The following SCLY variants were observed in gnomAD, a reference collection of about 807,000 sequenced individuals.
SCLY encodes the protein putative selenocysteine lyase.
A neutral mutation model predicts 50.1 loss-of-function variants in SCLY; 38 were observed. The observed-to-expected ratio is 0.76, with a 90% confidence interval of 0.59 to 0.99. The LOEUF (loss-of-function observed/expected upper bound fraction) is 0.99. Among genes scored for constraint, SCLY ranks in the 50% least tolerant of loss-of-function variants. SCLY has a pLI of 0.00. For missense variants in SCLY, 600 were observed against 620.0 expected, an observed-to-expected ratio of 0.97 and a Z score of 0.34; for synonymous variants, 243 against 249.4, an observed-to-expected ratio of 0.97 and a Z score of 0.24.
chr2:238,082,540 G>A (rs570396532), intron 6 of SCLY, among the ~76,000 whole-genome samples: 8 of 152,304 alleles, frequency 5.3e-5, no homozygotes, highest in African/African-American at 1.7e-4. Context: ...TCTCTGCAGC[G>A]GACAGGGCAT....
chr2:238,087,640 C>G (rs554450913), intron 7 of SCLY, among the ~76,000 whole-genome samples: 2 of 152,280 alleles, frequency 1.3e-5, no homozygotes, highest in Non-Finnish European at 2.9e-5. Context: ...GGAAGGACAA[C>G]TTCCCAGTTC....
chr2:238,096,457 G>C (rs1302011617), intron 10 of SCLY, among the ~76,000 whole-genome samples: 2 of 152,240 alleles, frequency 1.3e-5, no homozygotes, highest in African/African-American at 4.8e-5. Flanking sequence ...CTACCATCCA[G>C]AACACAGGTG....
chr2:238,092,391 T>C (rs1299931463), intron 8 of SCLY: 1 of 152,022 alleles, frequency 6.6e-6, no homozygotes, highest in African/African-American at 2.4e-5. Flanking sequence ...GCCGGAAGAG[T>C]GTGTTTTAAG....
At chr2:238,084,893 C>CAAAA (rs377025100) in intron 7 of SCLY, among the ~76,000 whole-genome samples, 1,278 of 107,452 alleles carry the variant, frequency 0.012, 49 homozygotes, top group African/African-American at 0.042. Context: ...GACTCCATCT[C>CAAAA]AAAAAAAAAA....
intron 8 of SCLY, chr2:238,091,561 G>T: frequency 2.4e-3 from 709 of 300,512 alleles, no homozygotes; most frequent in South Asian, 5.6e-3. Context: ...ATTCCCAAAG[G>T]CGTCGGCAGC....
At chr2:238,079,691 T>A (rs2065215499) in intron 4 of SCLY, 1 of 152,250 alleles carries the variant, frequency 6.6e-6, no homozygotes, top group Admixed American at 6.5e-5. Flanking sequence ...GGAATCTCTT[T>A]TGCTGATTGC....
intron 7 of SCLY, 35 bp from the exon 8 acceptor site, chr2:238,091,183 T>C (rs750869493): frequency 1.3e-6 from 2 of 1,580,726 alleles, no homozygotes; most frequent in South Asian, 1.1e-5. Flanking sequence ...CCTGAGACAT[T>C]TGTTTATTCT....
rs1056740214 is a variant in SCLY at position 238,081,918 on chromosome 2, G to T, written c.612+82G>T. The T allele has an allele frequency of 1.9e-6, 3 of 1,581,420 alleles. No individual in the cohort carries two copies. In the African/African-American group the frequency reaches 4.0e-5, roughly 21 times the overall value. On this transcript the variant is annotated intron_variant, in intron 5 of 11. Transcript: ENST00000254663. ...GACTCATGGCGTTTCAGGTTTCCCA[G>T]CTCTGGCCTCTCCCGTTTCTCTGTT...
chr2:238,069,422 G>A lies in SCLY; in HGVS notation c.429G>A (p.Val143=), dbSNP rs764835712. ...AGCCCCATTTCATTACTTCCTCGGTGGAACACGACTCCATCCGGCTGCCCC... is the reference window on the plus strand; with the variant it reads ...AGCCCCATTTCATTACTTCCTCGGTAGAACACGACTCCATCCGGCTGCCCC... The part of the protein sequence containing the change: ...GAKPHFITSS[V]EHDSIRLPLE... Residue 143 remains valine (V), a synonymous_variant, in exon 4 of 12, where the codon GTG becomes GTA. Coordinates refer to ENST00000254663, the MANE Select transcript of SCLY (RefSeq NM_016510.7). The surrounding 1 kb of genome is among the most constrained non-coding windows in gnomAD (Gnocchi z 5.0). 1 of 1,613,940 alleles carries A rather than the reference G, an allele frequency of 6.2e-7. No homozygotes were observed. Among genetic ancestry groups the A allele is most frequent in the South Asian group, 1.1e-5 (1 of 91,002 alleles).
At position 238,061,105 on chromosome 2, in the gene SCLY, T is replaced by C; in HGVS notation, c.51T>C (p.Ser17=). The change falls in exon 1 of 12, where the codon AGT becomes AGC. Residue 17 remains serine (S), a synonymous_variant. Transcript: ENST00000254663. The part of the protein sequence containing the change: ...PGRDAPAPAA[S]QPSGCGKHNS... ...GGGATGCGCCGGCACCCGCGGCGAG[T>C]CAGCCCAGCGGCTGCGGGAAACACA... 2 of 1,415,094 alleles carry C rather than the reference T, an allele frequency of 1.4e-6. No individual in the cohort carries two copies. Among genetic ancestry groups the C allele is most frequent in the Non-Finnish European group, 1.8e-6 (2 of 1,092,970 alleles). 87.7% of individuals were successfully genotyped at this position (1,415,094 alleles called of 1,614,324 possible).
intron 7 of SCLY, among the ~76,000 whole-genome samples, chr2:238,085,267 A>G (rs967625532): frequency 6.6e-6 from 1 of 152,232 alleles, no homozygotes; most frequent in African/African-American, 2.4e-5. Context: ...AACATAAAAG[A>G]AGAACCAAAT....
At chr2:238,068,010 C>A in intron 2 of SCLY, 55 bp from the exon 3 acceptor site, 2 of 1,317,566 alleles carry the variant, frequency 1.5e-6, no homozygotes, top group Non-Finnish European at 2.2e-6. Context: ...CTTTTAGATG[C>A]GTTGATTGAG....
In SCLY at chr2:238,099,066, A is replaced by C. The variant is rs1337137940; in HGVS notation, c.*711A>C. The C allele has an allele frequency of 2.8e-6, 1 of 359,682 alleles. No individual in the cohort carries two copies. Among genetic ancestry groups the C allele is most frequent in the Non-Finnish European group, 5.5e-6 (1 of 183,256 alleles). 22.3% of individuals were successfully genotyped at this position (359,682 alleles called of 1,614,324 possible). ...CGCCCACTGGCAATCAGGGCTGCGC[A>C]CTTCCCTGTCCACGGTCCCCAGGCC... On this transcript the variant is annotated 3_prime_UTR_variant, in exon 12 of 12. Transcript: ENST00000254663.
chr2:238,098,661 A>AGGAACGCCCACATGGGAACGCCCACATG lies in SCLY; in HGVS notation c.*307_*308insGAACGCCCACATGGGAACGCCCACATGG. 5.0e-6 allele frequency: 1 copy of AGGAACGCCCACATGGGAACGCCCACATG among 201,520 alleles called. No individual in the cohort carries two copies. The highest frequency in any genetic ancestry group is 3.1e-5 in the African/African-American group (1 of 32,524). 12.5% of individuals were successfully genotyped at this position (201,520 alleles called of 1,614,324 possible). A position where few individuals can be genotyped will look rare whatever the true frequency, so the allele number is the denominator to read the frequency against. The stretch of plus-strand genomic sequence containing the variant: ...ACCGCCCACATGGGACCGCCCACAT[A>AGGAACGCCCACATGGGAACGCCCACATG]GAACCGTCCTCCAGTGGTGAAGCGG... On this transcript the variant is annotated 3_prime_UTR_variant, in exon 12 of 12. Transcript: ENST00000254663.
chr2:238,073,728 C>G (rs535273292), intron 4 of SCLY: 1 of 467,368 alleles, frequency 2.1e-6, no homozygotes, highest in African/African-American at 2.0e-5. Context: ...TTTCTCCTAT[C>G]TCTACTGTCT....
At chr2:238,075,511 T>G (rs1306018217) in intron 4 of SCLY, among the ~76,000 whole-genome samples, 1 of 152,194 alleles carries the variant, frequency 6.6e-6, no homozygotes, top group African/African-American at 2.4e-5. Flanking sequence ...GGCCTGGGCT[T>G]CTCTTTGTGG....
chr2:238,061,269 C>T, intron 1 of SCLY, 126 bp downstream of exon 1: 1 of 783,414 alleles, frequency 1.3e-6, no homozygotes. Context: ...CGGGGATGTC[C>T]GCGAGGTCGG....
intron 6 of SCLY, chr2:238,082,807 G>A (rs1037219675): frequency 4.0e-6 from 1 of 251,468 alleles, no homozygotes; most frequent in Non-Finnish European, 8.1e-6. Flanking sequence ...ATGCTGGCCT[G>A]ACACTGGCAC....
chr2:238,093,845 G>C lies in SCLY; in HGVS notation c.922-16G>C, dbSNP rs745608492. On this transcript the variant is annotated splice_polypyrimidine_tract_variant and intron_variant, in intron 8 of 11. Coordinates refer to ENST00000254663, the MANE Select transcript of SCLY (RefSeq NM_016510.7). The stretch of plus-strand genomic sequence containing the variant: ...TGCAAGAATTGTGCATCCACTTGTT[G>C]TGTGTCTGCCCCCAGGCCGCGGAGC... The C allele has an allele frequency of 4.4e-6, 7 of 1,607,788 alleles. No individual in the cohort carries two copies. In the Admixed American group the frequency reaches 1.0e-4, roughly 23 times the overall value.
Sources: allele counts gnomAD v4.1 joint callset (sites outside exome capture counted in the v4.1 genomes callset), GRCh38; gene constraint gnomAD v4.1.1; non-coding constraint Gnocchi (gnomAD v3.1); transcripts MANE v1.5; gene names NCBI Gene and HGNC (gene_info 2026-07-23, HGNC 2026-07-21).